SLC35E2B: variants seen among roughly 807,000 people sequenced by gnomAD.
SLC35E2B encodes solute carrier family 35 member E2B, also known as solute carrier family 35, member E2B.
A neutral mutation model predicts 32.4 loss-of-function variants in SLC35E2B; 18 were observed. The ratio of observed to expected loss-of-function variants is 0.56; its 90% CI spans 0.38 to 0.82. The LOEUF is 0.82. Among genes scored for constraint, SLC35E2B ranks in the 40% least tolerant of loss-of-function variants. The probability of loss-of-function intolerance (pLI) is 0.00; values close to 1 mark genes in which losing one functional copy is unlikely to be tolerated. For synonymous variants in SLC35E2B, 132 were observed against 209.1 expected, an observed-to-expected ratio of 0.63 and a Z score of 3.18; for missense variants, 263 against 469.5, an observed-to-expected ratio of 0.56 and a Z score of 4.06.
At chr1:1,689,155 G>C (rs1643990890) in intron 2 of SLC35E2B, among the ~76,000 whole-genome samples, 1 of 152,024 alleles carries the variant, frequency 6.6e-6, no homozygotes, top group African/African-American at 2.4e-5. Context: ...CTGGCTGACA[G>C]AGCGAGACTG....
chr1:1,679,085 T>C (rs7544851), intron 2 of SLC35E2B, among the ~76,000 whole-genome samples: 57,855 of 152,038 alleles, frequency 0.38, 11,801 homozygotes, highest in Non-Finnish European at 0.46. Flanking sequence ...GCCCCCTGGC[T>C]GGGGACGCTG....
chr1:1,674,233 GA>G, intron 5 of SLC35E2B: 1 of 158,510 alleles, frequency 6.3e-6, no homozygotes. Flanking sequence ...CTTCCCAGGT[GA>G]AATTGTGGGC....
chr1:1,671,933 G>A, intron 5 of SLC35E2B: 1 of 238,820 alleles, frequency 4.2e-6, no homozygotes. Flanking sequence ...ACGCTCCTGT[G>A]AAACGGTGAG....
Position 1,669,675 on chromosome 1 carries a change from C to G in SLC35E2B, c.823G>C (p.Val275Leu). 6.6e-7 allele frequency: 1 copy of G among 1,526,642 alleles called. No individual in the cohort carries two copies. Among genetic ancestry groups the G allele is most frequent in the Middle Eastern group, 2.3e-4 (1 of 4,312 alleles). The allele number at this position is 1,526,642 out of a possible 1,614,324, so 94.6% of individuals were successfully genotyped here. A position where few individuals can be genotyped will look rare whatever the true frequency, so the allele number is the denominator to read the frequency against. Residue 275 changes from valine to leucine, a missense_variant, in exon 8 of 10, where the codon GTT becomes CTT. This residue lies in a region of SLC35E2B where 129 missense variants were observed against 164.5 expected (regional missense o/e 0.78). Transcript: ENST00000617444. ...TGTCTGAAACCCACCGTAAAGAAAA[C>G]CCGGGCCGGGACGAGCATGGCCACC... ...AAVAMLVPAR[V>L]FFTDVPVIGR...
chr1:1,689,002 T>A (rs1031374102), intron 2 of SLC35E2B, among the ~76,000 whole-genome samples: 1 of 151,906 alleles, frequency 6.6e-6, no homozygotes, highest in Admixed American at 6.6e-5. Context: ...AAACCCCGTC[T>A]CTACCAAAAA....
intron 5 of SLC35E2B, 82 bp from the exon 6 acceptor site, chr1:1,671,711 CT>C: frequency 1.5e-6 from 2 of 1,343,790 alleles, no homozygotes; most frequent in Admixed American, 3.4e-5. Flanking sequence ...TCCATCCCCT[CT>C]TATGAAAGGA....
intron 2 of SLC35E2B, among the ~76,000 whole-genome samples, chr1:1,685,415 A>AG (rs1643938747): frequency 3.7e-5 from 1 of 26,776 alleles, no homozygotes; most frequent in African/African-American, 1.6e-4. Flanking sequence ...GTTTTCTCAG[A>AG]AAAAAAAAAA....
At chr1:1,687,521 T>C (rs4648780) in intron 2 of SLC35E2B, among the ~76,000 whole-genome samples, 152,080 of 152,242 alleles carry the variant, frequency 1, 75,960 homozygotes, top group Middle Eastern at 1. Context: ...GGGCAGATCA[T>C]GAGGTCAGGA....
chr1:1,666,762 A>G (rs4648778), intron 9 of SLC35E2B, among the ~76,000 whole-genome samples: 149,488 of 151,302 alleles, frequency 0.99, 73,856 homozygotes, highest in Middle Eastern at 1. Flanking sequence ...GCTCATGTGT[A>G]TAACCCCAGC....
intron 2 of SLC35E2B, among the ~76,000 whole-genome samples, chr1:1,682,713 G>A (rs978109191): frequency 6.6e-6 from 1 of 152,122 alleles, no homozygotes; most frequent in Non-Finnish European, 1.5e-5. Flanking sequence ...CAGCCAGGGG[G>A]TTCCGGGGTC....
Position 1,665,986 on chromosome 1 carries a change from G to C in SLC35E2B, c.1014C>G (p.Ile338Met). The C allele has an allele frequency of 6.4e-7, 1 of 1,551,538 alleles. No individual in the cohort carries two copies. The highest frequency in any genetic ancestry group is 8.7e-7 in the Non-Finnish European group (1 of 1,146,978). Residue 338 changes from isoleucine (I) to methionine (M), a missense_variant, in exon 10 of 10, where the codon ATC (isoleucine) becomes ATG (methionine). Physicochemically the swap from Ile to Met is conservative, Grantham distance 10. Coordinates refer to ENST00000617444, the MANE Select transcript of SLC35E2B (RefSeq NM_001290264.2). ...VASTVKHALS[I>M]WLSVIVFGNK... ...TGCCGAAAACGATTACGCTGAGCCA[G>C]ATGGACAAGGCATGTTTCACGGTGC...
intron 2 of SLC35E2B, among the ~76,000 whole-genome samples, chr1:1,680,721 AAGGCCGC>A (rs1160357130): frequency 6.6e-6 from 1 of 151,678 alleles, no homozygotes; most frequent in Non-Finnish European, 1.5e-5. Flanking sequence ...CCACAGCTCC[AAGGCCGC>A]AGGAGGAGGC....
rs751241186 is a variant in SLC35E2B, at chr1:1,671,487, G to C, written c.707+22C>G. On this transcript the variant is annotated intron_variant, in intron 6 of 9. Transcript: ENST00000617444. The stretch of plus-strand genomic sequence containing the variant: ...GAGCACCGGGTCTCGTCCCCCTCAC[G>C]CCCACCTTCTCTGTGACTCACCAGT... The C allele has an allele frequency of 4.1e-6, 6 of 1,464,956 alleles. No homozygotes were observed. In the South Asian group the frequency reaches 8.2e-5, roughly 20 times the overall value. The allele number at this position is 1,464,956 out of a possible 1,614,324, so 90.7% of individuals were successfully genotyped here. A position where few individuals can be genotyped will look rare whatever the true frequency, so the allele number is the denominator to read the frequency against.
Position 1,670,170 on chromosome 1 carries a change from G to A in SLC35E2B, c.708-19C>T. ...TTGCAAACTAGAATAAAGAAAAGAG[G>A]TTATGCATCAATACTAGTCCTCGGC... is the stretch of plus-strand genomic sequence containing the variant. On this transcript the variant is annotated intron_variant, in intron 6 of 9. Coordinates refer to ENST00000617444, the MANE Select transcript of SLC35E2B (RefSeq NM_001290264.2). 1 of 1,539,690 alleles carries A rather than the reference G, an allele frequency of 6.5e-7. No homozygotes were observed. The highest frequency in any genetic ancestry group is 8.8e-7 in the Non-Finnish European group (1 of 1,136,110).
rs536344416 is a variant in SLC35E2B, at chr1:1,665,378, C to T, written c.*404G>A. 1,608 of 438,004 alleles carry T rather than the reference C, an allele frequency of 3.7e-3. 14 individuals carry two copies. Among genetic ancestry groups the T allele is most frequent in the Middle Eastern group, 0.011 (19 of 1,714 alleles). 27.1% of individuals were successfully genotyped at this position (438,004 alleles called of 1,614,324 possible). ...CGCCGGTCCAGGGCCTCAGGGCCTT[C>T]GATGGCTGGTGTGGGAAGCCGAGGG... is the stretch of plus-strand genomic sequence containing the variant. On this transcript the variant is annotated 3_prime_UTR_variant, in exon 10 of 10. Coordinates refer to ENST00000617444, the MANE Select transcript of SLC35E2B (RefSeq NM_001290264.2).
At chr1:1,675,306 C>T (rs970150647) in intron 5 of SLC35E2B, among the ~76,000 whole-genome samples, 157 bp downstream of exon 5, 1 of 150,634 alleles carries the variant, frequency 6.6e-6, no homozygotes, top group African/African-American at 2.5e-5. Flanking sequence ...CACCCCCGCA[C>T]ATGTGACCGT....
intron 5 of SLC35E2B, chr1:1,671,965 G>A: frequency 5.0e-6 from 1 of 198,040 alleles, no homozygotes; most frequent in Non-Finnish European, 1.0e-5. Context: ...TGGTCCCCAG[G>A]GAACTGCAGA....
At chr1:1,673,968 G>GAAAAAAAAAAAAAAAAAAAAAAAA (rs143198348) in intron 5 of SLC35E2B, 1 of 109,258 alleles carries the variant, frequency 9.2e-6, no homozygotes, top group Non-Finnish European at 1.8e-5. Context: ...TCTCAAAAAA[G>GAAAAAAAAAAAAAAAAAAAAAAAA]AAAAAAAAAA....
At position 1,663,732 on chromosome 1, in the gene SLC35E2B, G is replaced by T; in HGVS notation, c.*2050C>A. On this transcript the variant is annotated 3_prime_UTR_variant, in exon 10 of 10. Transcript: ENST00000617444. ...GATCCGCCAGCTGCTGCCTCCCAAA[G>T]TGCTGCGATTAGAGGCGTGAGCCAC... is the stretch of plus-strand genomic sequence containing the variant. The T allele has an allele frequency of 1.7e-6, 1 of 588,614 alleles. No individual in the cohort carries two copies. The highest frequency in any genetic ancestry group is 2.2e-6 in the Non-Finnish European group (1 of 462,530). 36.5% of individuals were successfully genotyped at this position (588,614 alleles called of 1,614,324 possible). A position where few individuals can be genotyped will look rare whatever the true frequency, so the allele number is the denominator to read the frequency against.
Sources: allele counts gnomAD v4.1 joint callset (sites outside exome capture counted in the v4.1 genomes callset), GRCh38; gene constraint gnomAD v4.1.1; regional missense constraint gnomAD v4.1.1; transcripts MANE v1.5; gene names NCBI Gene and HGNC (gene_info 2026-07-23, HGNC 2026-07-21).